EVL: variants seen among roughly 807,000 people sequenced by gnomAD.
EVL encodes ena/VASP-like protein.
In EVL, 21 loss-of-function variants were observed where a neutral mutation model predicts 59.6. That is an observed-to-expected ratio of 0.35 (90% CI 0.25 to 0.51). The LOEUF is 0.51. EVL is among the 20% of genes least tolerant of loss of function. EVL has a pLI of 0.97. For missense variants in EVL, 462 were observed against 546.6 expected, an observed-to-expected ratio of 0.85 and a Z score of 1.54; for synonymous variants, 198 against 203.5, an observed-to-expected ratio of 0.97 and a Z score of 0.23.
rs371452249 is a variant in EVL, at chr14:100,143,767, G to A, written c.*29G>A. Reference sequence around the variant, plus strand: ...GCCGGCCTCGCTGCGCTGATTCGTCGAGCCCATCCGGCGACAGAGGACAGC... The same window carrying A: ...GCCGGCCTCGCTGCGCTGATTCGTCAAGCCCATCCGGCGACAGAGGACAGC... On this transcript the variant is annotated 3_prime_UTR_variant, in exon 14 of 14. Transcript: ENST00000392920. 3.9e-4 allele frequency: 621 copies of A among 1,607,460 alleles called. No homozygotes were observed. Among genetic ancestry groups the A allele is most frequent in the Non-Finnish European group, 4.9e-4 (573 of 1,177,252 alleles).
At chr14:99,994,803 G>A (rs950986215) in intron 1 of EVL, among the ~76,000 whole-genome samples, 12 of 151,924 alleles carry the variant, frequency 7.9e-5, no homozygotes, top group Non-Finnish European at 2.9e-5. Context: ...TCAACTTGAC[G>A]TCCCTTTAGC....
At chr14:100,001,767 CTG>C (rs2060947661) in intron 1 of EVL, among the ~76,000 whole-genome samples, 2 of 152,166 alleles carry the variant, frequency 1.3e-5, no homozygotes, top group Non-Finnish European at 2.9e-5. Flanking sequence ...TGTACAGGGA[CTG>C]TGTAGACAAG....
chr14:100,116,655 C>A (rs1029238990), intron 3 of EVL, among the ~76,000 whole-genome samples: 1 of 152,124 alleles, frequency 6.6e-6, no homozygotes, highest in Non-Finnish European at 1.5e-5. Flanking sequence ...TACCCCGCGC[C>A]CACCATACCT....
intron 1 of EVL, among the ~76,000 whole-genome samples, chr14:100,056,483 C>A (rs2061735572): frequency 6.6e-6 from 1 of 152,072 alleles, no homozygotes; most frequent in Non-Finnish European, 1.5e-5. Context: ...ATTTATTATA[C>A]CTATTGGATT....
chr14:99,996,929 C>T (rs924221206), intron 1 of EVL, among the ~76,000 whole-genome samples: 1 of 152,190 alleles, frequency 6.6e-6, no homozygotes. Context: ...GGATTACAGA[C>T]GTGAGCCACT....
Position 100,099,207 on chromosome 14 carries a change from T to C in EVL, c.358+1549T>C, listed in dbSNP as rs1332629290. Among the ~76,000 whole-genome samples the C allele has an allele frequency of 3.5e-5, 5 of 141,380 alleles. No homozygotes were observed. The East Asian group carries it at 1.0e-3, about 29-fold the overall frequency. 92.8% of individuals were successfully genotyped at this position (141,380 alleles called of 152,430 possible). A position where few individuals can be genotyped will look rare whatever the true frequency, so the allele number is the denominator to read the frequency against. On this transcript the variant is annotated intron_variant, in intron 3 of 13. Transcript: ENST00000392920. Reference sequence around the variant, plus strand: ...AAAAAAAAAAAAAAAAAAGAAAAAGTGTGTACTGGGCCTGATATATTGGAG... The same window carrying C: ...AAAAAAAAAAAAAAAAAAGAAAAAGCGTGTACTGGGCCTGATATATTGGAG...
intron 3 of EVL, chr14:100,107,539 T>C (rs1012857571): frequency 1.1e-5 from 4 of 369,506 alleles, no homozygotes; most frequent in Non-Finnish European, 1.9e-5. Flanking sequence ...TCCACTAGCA[T>C]TCCCTCATGA....
At chr14:99,974,064 C>T (rs925374914) in intron 1 of EVL, among the ~76,000 whole-genome samples, 24 of 152,214 alleles carry the variant, frequency 1.6e-4, no homozygotes, top group African/African-American at 5.5e-4. Context: ...CGAAAAACAT[C>T]ATTATTTATT....
intron 3 of EVL, among the ~76,000 whole-genome samples, chr14:100,111,143 T>C (rs1182592161): frequency 7.2e-6 from 1 of 139,326 alleles, no homozygotes; most frequent in Non-Finnish European, 1.5e-5. Context: ...AGCCTTAGTG[T>C]CCTCATTTTT....
At chr14:100,131,458 A>G (rs1888430982) in intron 7 of EVL, among the ~76,000 whole-genome samples, 1 of 152,194 alleles carries the variant, frequency 6.6e-6, no homozygotes, top group African/African-American at 2.4e-5. Flanking sequence ...GTTTCTTTTC[A>G]TGTAGGTTGT....
intron 1 of EVL, among the ~76,000 whole-genome samples, chr14:100,051,119 C>T (rs948620326): frequency 6.6e-6 from 1 of 152,156 alleles, no homozygotes; most frequent in African/African-American, 2.4e-5. Context: ...TTTCAGTTAC[C>T]TGAGGTCAAC....
intron 2 of EVL, among the ~76,000 whole-genome samples, chr14:100,093,870 A>G (rs1435037937): frequency 6.6e-6 from 1 of 152,230 alleles, no homozygotes; most frequent in African/African-American, 2.4e-5. Flanking sequence ...TATTAATTAA[A>G]TGGGAAATTC....
intron 6 of EVL, among the ~76,000 whole-genome samples, chr14:100,129,361 G>A (rs756814808): frequency 2.6e-5 from 4 of 152,092 alleles, no homozygotes; most frequent in Non-Finnish European, 4.4e-5. Context: ...GTGTGACCTG[G>A]GCTGGTCCTT....
intron 13 of EVL, 73 bp downstream of exon 13, chr14:100,141,866 G>A: frequency 1.4e-6 from 2 of 1,448,130 alleles, no homozygotes; most frequent in Non-Finnish European, 1.9e-6. Flanking sequence ...CACCCAGGCT[G>A]GGGGCCTCCA....
At chr14:100,012,580 ATCTTTTTATTAAATCTC>A (rs2061023486) in intron 1 of EVL, among the ~76,000 whole-genome samples, 1 of 152,184 alleles carries the variant, frequency 6.6e-6, no homozygotes, top group Non-Finnish European at 1.5e-5. Context: ...ATCTAATTTC[ATCTTTTTATTAAATCTC>A]TCTAAGTCCA....
Position 100,016,104 on chromosome 14 carries a change from T to A in EVL, c.5+44047T>A, listed in dbSNP as rs144859900. Among the ~76,000 whole-genome samples the A allele has an allele frequency of 6.0e-3, 907 of 151,688 alleles. 3 individuals are homozygous for A. Among genetic ancestry groups the A allele is most frequent in the African/African-American group, 0.021 (863 of 41,390 alleles). ...AAAAAAAAAAAAAAAAAATTAATTATTTATTAATTTAAAAATTTAACATCT... is the reference window on the plus strand; with the variant it reads ...AAAAAAAAAAAAAAAAAATTAATTAATTATTAATTTAAAAATTTAACATCT... On this transcript the variant is annotated intron_variant, in intron 1 of 13. Transcript: ENST00000402714.
At chr14:99,984,790 A>G (rs1750052963) in intron 1 of EVL, among the ~76,000 whole-genome samples, 1 of 151,804 alleles carries the variant, frequency 6.6e-6, no homozygotes, top group Admixed American at 6.6e-5. Flanking sequence ...ATTTTTTTGT[A>G]TTTTTAGTAG....
At chr14:100,091,151 A>T (rs2062556137) in intron 2 of EVL, among the ~76,000 whole-genome samples, 1 of 152,156 alleles carries the variant, frequency 6.6e-6, no homozygotes, top group African/African-American at 2.4e-5. Context: ...CTCAGAAAAC[A>T]AGAGTCTCTC....
chr14:100,106,536 G>A (rs1886581777), intron 3 of EVL: 1 of 216,434 alleles, frequency 4.6e-6, no homozygotes, highest in Non-Finnish European at 9.0e-6. Context: ...CCCTTTATGT[G>A]TTGTAATGCA....
Sources: gnomAD v4.1 joint callset for allele counts (sites outside exome capture counted in the v4.1 genomes callset) on GRCh38, gnomAD v4.1.1 for gene constraint, MANE v1.5 for transcripts, NCBI Gene and HGNC (gene_info 2026-07-23, HGNC 2026-07-21) for gene names.